SUMF1: variants seen among roughly 807,000 people sequenced by gnomAD.
SUMF1 encodes sulfatase modifying factor 1.
SUMF1 carries 48 observed loss-of-function variants against 47.6 expected under a neutral mutation model. The ratio of observed to expected loss-of-function variants is 1.01; its 90% CI spans 0.80 to 1.28. The LOEUF (loss-of-function observed/expected upper bound fraction) is 1.28, where lower values mean the gene tolerates loss of function less well. SUMF1 is among the 50% of genes most tolerant of loss of function. The pLI is 0.00. For missense variants in SUMF1, 571 were observed against 485.4 expected (o/e 1.18, Z -1.66); for synonymous variants, 230 against 192.1 (o/e 1.20, Z -1.63).
chr3:4,417,099 C>A, intron 6 of SUMF1, 29 bp downstream of exon 6: 1 of 1,605,848 alleles, frequency 6.2e-7, no homozygotes, highest in East Asian at 2.2e-5. Context: ...CAGCAGCTGC[C>A]ACCCTCCTGC....
At chr3:4,166,057 G>T (rs1244229073) in intron 8 of SUMF1, among the ~76,000 whole-genome samples, 2 of 152,054 alleles carry the variant, frequency 1.3e-5, no homozygotes, top group African/African-American at 2.4e-5. Flanking sequence ...CCACAAAGAG[G>T]ACCAATGAAG....
chr3:4,385,738 T>A (rs1700651144), intron 7 of SUMF1, among the ~76,000 whole-genome samples: 1 of 152,234 alleles, frequency 6.6e-6, no homozygotes, highest in Non-Finnish European at 1.5e-5. Flanking sequence ...CTGTGTTTTT[T>A]TCTAAAGGTT....
At chr3:4,094,934 C>G (rs1177131430) in intron 8 of SUMF1, among the ~76,000 whole-genome samples, 1 of 152,080 alleles carries the variant, frequency 6.6e-6, no homozygotes, top group Non-Finnish European at 1.5e-5. Context: ...GAGGAGGCAT[C>G]TCATGGAACC....
At chr3:4,181,845 T>C (rs750547930) in intron 8 of SUMF1, among the ~76,000 whole-genome samples, 15 of 152,096 alleles carry the variant, frequency 9.9e-5, no homozygotes, top group Non-Finnish European at 1.8e-4. Flanking sequence ...GAGGGCCTCA[T>C]ATAGCACTAC....
At chr3:4,253,787 GTAGGC>G (rs1696870392) in intron 8 of SUMF1, among the ~76,000 whole-genome samples, 2 of 146,604 alleles carry the variant, frequency 1.4e-5, no homozygotes, top group South Asian at 4.6e-4. Context: ...GCCTGCCTCT[GTAGGC>G]TCCACCTCTG....
intron 8 of SUMF1, among the ~76,000 whole-genome samples, chr3:4,136,576 C>A (rs1473881624): frequency 3.3e-5 from 5 of 151,912 alleles, no homozygotes; most frequent in Non-Finnish European, 7.4e-5. Context: ...GACTTCATGT[C>A]TAAAACATCA....
chr3:4,110,166 T>G (rs1574891763), intron 8 of SUMF1, among the ~76,000 whole-genome samples: 1 of 152,144 alleles, frequency 6.6e-6, no homozygotes, highest in East Asian at 1.9e-4. Flanking sequence ...AGCTGCAGGT[T>G]GCTGGAGTTT....
chr3:4,232,453 G>T (rs1451126674), intron 8 of SUMF1, among the ~76,000 whole-genome samples: 3 of 152,078 alleles, frequency 2.0e-5, no homozygotes, highest in Non-Finnish European at 4.4e-5. Flanking sequence ...CCAAGAGAAG[G>T]AGGCTCTGTG....
chr3:4,229,773 G>C (rs1383829908), intron 8 of SUMF1, among the ~76,000 whole-genome samples: 2 of 151,920 alleles, frequency 1.3e-5, no homozygotes, highest in African/African-American at 2.4e-5. Context: ...CAGCACTTTG[G>C]GTAGCCAAGG....
chr3:4,292,095 G>A (rs1697753137), intron 8 of SUMF1, among the ~76,000 whole-genome samples: 2 of 152,090 alleles, frequency 1.3e-5, no homozygotes, highest in South Asian at 4.1e-4. Flanking sequence ...TAAAACTCCA[G>A]TTGTTCAAAT....
intron 8 of SUMF1, among the ~76,000 whole-genome samples, chr3:4,315,083 G>A (rs1698582426): frequency 6.6e-6 from 1 of 152,118 alleles, no homozygotes; most frequent in Non-Finnish European, 1.5e-5. Flanking sequence ...GGTTCCCTGT[G>A]AACAAATGGT....
intron 7 of SUMF1, among the ~76,000 whole-genome samples, chr3:4,382,924 G>A (rs115228610): frequency 0.031 from 4,758 of 152,222 alleles, 110 homozygotes; most frequent in Non-Finnish European, 0.047. Context: ...CTGTCAGGGG[G>A]TCAGAGACTA....
intron 1 of SUMF1, among the ~76,000 whole-genome samples, chr3:4,464,357 T>G (rs889708943): frequency 1.3e-5 from 2 of 151,940 alleles, no homozygotes; most frequent in African/African-American, 4.8e-5. Flanking sequence ...GACATATCCC[T>G]CCTATAGTAT....
chr3:4,099,660 G>T (rs1484623043), intron 8 of SUMF1, among the ~76,000 whole-genome samples: 1 of 152,018 alleles, frequency 6.6e-6, no homozygotes, highest in Non-Finnish European at 1.5e-5. Flanking sequence ...AGGAAAATAT[G>T]AATTGAAATT....
chr3:4,285,193 A>T (rs567820040), intron 8 of SUMF1, among the ~76,000 whole-genome samples: 1 of 152,288 alleles, frequency 6.6e-6, no homozygotes, highest in Admixed American at 6.5e-5. Flanking sequence ...TATTCTCCAT[A>T]AAATAACTTA....
intron 8 of SUMF1, among the ~76,000 whole-genome samples, chr3:4,105,758 C>T (rs978148527): frequency 2.6e-5 from 4 of 152,094 alleles, no homozygotes; most frequent in East Asian, 3.9e-4. Context: ...CCTACTAGTC[C>T]CCTTTACCAG....
chr3:4,174,249 G>A (rs9883838), intron 8 of SUMF1, among the ~76,000 whole-genome samples: 98,161 of 151,196 alleles, frequency 0.65, 32,028 homozygotes, highest in South Asian at 0.73. Context: ...CCAGCTACTC[G>A]GGAGGCTGAG....
intron 6 of SUMF1, chr3:4,414,806 A>G (rs1701655422): frequency 6.6e-6 from 1 of 152,234 alleles, no homozygotes; most frequent in African/African-American, 2.4e-5. Flanking sequence ...ATGGCTCTAT[A>G]TTCCTTGGTA....
At chr3:4,344,280 G>A (rs943227539) in intron 8 of SUMF1, among the ~76,000 whole-genome samples, 2 of 152,216 alleles carry the variant, frequency 1.3e-5, no homozygotes, top group Non-Finnish European at 2.9e-5. Context: ...AACCCCCATT[G>A]GCATCAGGTC....
Sources: gnomAD v4.1 joint callset for allele counts (sites outside exome capture counted in the v4.1 genomes callset) on GRCh38, gnomAD v4.1.1 for gene constraint, MANE v1.5 for transcripts, NCBI Gene and HGNC (gene_info 2026-07-23, HGNC 2026-07-21) for gene names.